ZNF451: variants seen among roughly 807,000 people sequenced by gnomAD.
The protein encoded by ZNF451 is zinc finger protein 451.
Under a neutral mutation model 107.1 loss-of-function variants are expected in ZNF451, and 80 were observed. The ratio of observed to expected loss-of-function variants is 0.75; its 90% confidence interval spans 0.62 to 0.90. The LOEUF is 0.90. ZNF451 is among the 40% of genes least tolerant of loss of function. The probability of loss-of-function intolerance (pLI) is 0.00; values close to 1 mark genes in which losing one functional copy is unlikely to be tolerated. For synonymous variants in ZNF451, 362 were observed against 406.5 expected, an observed-to-expected ratio of 0.89 and a Z score of 1.32; for missense variants, 1,107 against 1,236.2, an observed-to-expected ratio of 0.90 and a Z score of 1.57.
At chr6:57,109,705 T>A in intron 3 of ZNF451, 2 of 967,418 alleles carry the variant, frequency 2.1e-6, no homozygotes, top group Non-Finnish European at 2.5e-6. Flanking sequence ...AAAAGATATA[T>A]TTAAAGTAAA....
At chr6:57,135,728 C>T (rs1280359716) in intron 7 of ZNF451, among the ~76,000 whole-genome samples, 1 of 151,900 alleles carries the variant, frequency 6.6e-6, no homozygotes, top group African/African-American at 2.4e-5. Flanking sequence ...ATAAATTTCC[C>T]ATTGGATGTA....
At chr6:57,109,331 G>C (rs1830009517) in intron 3 of ZNF451, 2 of 984,856 alleles carry the variant, frequency 2.0e-6, no homozygotes, top group East Asian at 2.3e-4. Flanking sequence ...GCATTTTGAG[G>C]ATATTGGTTT....
chr6:57,147,553 GT>G lies in ZNF451; in HGVS notation c.1472del (p.Phe491SerfsTer27). On this transcript the variant is annotated frameshift_variant, in exon 10 of 15. Coordinates refer to ENST00000370706, the MANE Select transcript of ZNF451 (RefSeq NM_001031623.3). LOFTEE classifies it high-confidence loss of function. ...FPSEDAVEKH[V>X]FSANTMGYKC... is the part of the protein sequence containing the mutation. ...AAGTGAAGATGCAGTAGAAAAGCATGTTTTCTCAGCAAACACAATGGGTTAT... is the reference window on the plus strand; with the variant it reads ...AAGTGAAGATGCAGTAGAAAAGCATGTTTCTCAGCAAACACAATGGGTTAT... 2 of 1,614,122 alleles carry G rather than the reference GT, an allele frequency of 1.2e-6. No individual in the cohort carries two copies. The highest frequency in any genetic ancestry group is 1.7e-6 in the Non-Finnish European group (2 of 1,179,984).
intron 4 of ZNF451, 25 bp from the exon 5 acceptor site, chr6:57,128,704 T>C (rs749401184): frequency 1.0e-5 from 16 of 1,531,028 alleles, no homozygotes; most frequent in Non-Finnish European, 1.4e-5. Flanking sequence ...GTAATCTTAA[T>C]TGAGTTTTTT....
rs1764006057 is a variant in ZNF451 at position 57,168,586 on chromosome 6, G to GT, written c.*122dup. On this transcript the variant is annotated 3_prime_UTR_variant, in exon 15 of 15. Transcript: ENST00000370706. The stretch of plus-strand genomic sequence containing the variant: ...CTATTACAAATGTATTTGAAAACAT[G>GT]TTTTTGCTTTCATATGTTCAAAATC... The GT allele has an allele frequency of 3.6e-6, 3 of 837,876 alleles. No homozygotes were observed. The East Asian group carries it at 7.9e-5, about 22-fold the overall frequency. 51.9% of individuals were successfully genotyped at this position (837,876 alleles called of 1,614,324 possible).
In ZNF451 at chr6:57,102,746, A is replaced by G; in HGVS notation, c.186+3605A>G. ...CAGTTTGCTTCCCCTTGGAATGGCT[A>G]GATGTCGCAGGTCTATTATGGACAC... On this transcript the variant is annotated intron_variant, in intron 3 of 14. Transcript: ENST00000370706. 6.1e-6 allele frequency: 6 copies of G among 985,494 alleles called. No individual in the cohort carries two copies. In the South Asian group the frequency reaches 2.3e-4, roughly 39 times the overall value. 61.0% of individuals were successfully genotyped at this position (985,494 alleles called of 1,614,324 possible).
chr6:57,106,801 A>G, intron 3 of ZNF451: 1 of 985,292 alleles, frequency 1.0e-6, no homozygotes, highest in Non-Finnish European at 1.2e-6. Context: ...GGTTTATCAT[A>G]GTAGATACAC....
At chr6:57,107,915 T>C in intron 3 of ZNF451, 1 of 680,376 alleles carries the variant, frequency 1.5e-6, no homozygotes, top group Non-Finnish European at 1.8e-6. Context: ...CACGGCTCAC[T>C]GCAAGCTCTG....
At chr6:57,163,600 G>A (rs60856675) in intron 14 of ZNF451, among the ~76,000 whole-genome samples, 1 of 149,952 alleles carries the variant, frequency 6.7e-6, no homozygotes, top group African/African-American at 2.4e-5. Flanking sequence ...ACAGGCGCCC[G>A]CCACCACGCC....
intron 13 of ZNF451, chr6:57,159,214 T>C: frequency 1.0e-6 from 1 of 985,442 alleles, no homozygotes; most frequent in African/African-American, 1.7e-5. Context: ...AAGAAACCTT[T>C]TATGATATTA....
chr6:57,105,305 A>ATATACAATG, intron 3 of ZNF451: 1 of 984,216 alleles, frequency 1.0e-6, no homozygotes, highest in Non-Finnish European at 1.2e-6. Flanking sequence ...TCTTGATTAG[A>ATATACAATG]TATACAATGT....
At chr6:57,104,312 G>T (rs1242214629) in intron 3 of ZNF451, 2 of 985,218 alleles carry the variant, frequency 2.0e-6, no homozygotes, top group African/African-American at 3.5e-5. Context: ...TTATCTTAGA[G>T]GACTTGCCAC....
rs566023010 is a variant in ZNF451 at position 57,099,452 on chromosome 6, T to C, written c.186+311T>C. The C allele has an allele frequency of 2.0e-5, 14 of 716,246 alleles. No individual in the cohort carries two copies. The East Asian group carries it at 3.5e-4, about 18-fold the overall frequency. The allele number at this position is 716,246 out of a possible 1,614,324, so 44.4% of individuals were successfully genotyped here. A position where few individuals can be genotyped will look rare whatever the true frequency, so the allele number is the denominator to read the frequency against. Reference sequence around the variant, plus strand: ...ATTGATTCCTCTTTCCCTTCTCTTTTCCTTTACTCTCCTCAGGTGCCCTAT... The same window carrying C: ...ATTGATTCCTCTTTCCCTTCTCTTTCCCTTTACTCTCCTCAGGTGCCCTAT... On this transcript the variant is annotated intron_variant, in intron 3 of 14. Transcript: ENST00000370706.
At chr6:57,095,195 C>T (rs972115872) in intron 2 of ZNF451, among the ~76,000 whole-genome samples, 20 of 152,192 alleles carry the variant, frequency 1.3e-4, no homozygotes, top group African/African-American at 4.8e-4. Context: ...ATCTCTTTGC[C>T]ATTTTAGTGA....
intron 3 of ZNF451, chr6:57,124,359 CCT>C: frequency 1.4e-6 from 1 of 703,324 alleles, no homozygotes; most frequent in East Asian, 2.7e-5. Flanking sequence ...TATGGAGGTT[CCT>C]GCTAGAAGGT....
intron 5 of ZNF451, 152 bp from the exon 6 acceptor site, chr6:57,132,890 T>C: frequency 1.3e-6 from 1 of 748,092 alleles, no homozygotes; most frequent in Non-Finnish European, 2.1e-6. Context: ...GGTTATTATA[T>C]CTTTTATAAG....
At chr6:57,153,405 T>A (rs1404836529) in intron 12 of ZNF451, among the ~76,000 whole-genome samples, 1 of 150,396 alleles carries the variant, frequency 6.6e-6, no homozygotes, top group Non-Finnish European at 1.5e-5. Context: ...TTTCTTTCTC[T>A]CTTTTTTTTT....
rs1172681157 is a variant in ZNF451, at chr6:57,163,631, T to C, written c.3139+2479T>C. Reference sequence around the variant, plus strand: ...ACGCCCGGCTAATTTTTTGTATTTTTAGTAGAGACGGGGTTTCACCGTGTT... The same window carrying C: ...ACGCCCGGCTAATTTTTTGTATTTTCAGTAGAGACGGGGTTTCACCGTGTT... On this transcript the variant is annotated intron_variant, in intron 14 of 14. Coordinates refer to ENST00000370706, the MANE Select transcript of ZNF451 (RefSeq NM_001031623.3). 8.0e-5 allele frequency among the ~76,000 whole-genome samples: 12 copies of C among 150,722 alleles called. No homozygotes were observed. The East Asian group carries it at 2.3e-3, about 29-fold the overall frequency.
At chr6:57,152,678 C>G (rs1353617422) in intron 12 of ZNF451, among the ~76,000 whole-genome samples, 1 of 152,328 alleles carries the variant, frequency 6.6e-6, no homozygotes, top group South Asian at 2.1e-4. Flanking sequence ...ACTGCAACCT[C>G]AGCCCCCTGG....
Sources: gnomAD v4.1 joint callset for allele counts (sites outside exome capture counted in the v4.1 genomes callset) on GRCh38, gnomAD v4.1.1 for gene constraint, MANE v1.5 for transcripts, NCBI Gene and HGNC (gene_info 2026-07-23, HGNC 2026-07-21) for gene names.